Variants in MSI1 observed in about 807,000 individuals in gnomAD.
The protein encoded by MSI1 is RNA-binding protein Musashi homolog 1.
A neutral mutation model predicts 54.4 loss-of-function variants in MSI1; 15 were observed. The observed-to-expected ratio is 0.28, with a 90% CI of 0.18 to 0.42. MSI1 has a LOEUF of 0.42. MSI1 is among the 20% of genes least tolerant of loss of function. The pLI is 1.00. For missense variants in MSI1, 304 were observed against 506.0 expected (o/e 0.60, Z 3.83); for synonymous variants, 200 against 196.5 (o/e 1.02, Z -0.15).
intron 12 of MSI1, among the ~76,000 whole-genome samples, 181 bp downstream of exon 12, chr12:120,347,265 G>T (rs548867320): frequency 1.3e-5 from 2 of 152,330 alleles, no homozygotes; most frequent in South Asian, 4.1e-4. Flanking sequence ...TGTCAGTCTT[G>T]CTGAGGGCTG....
At chr12:120,366,057 T>C (rs372157115) in intron 4 of MSI1, among the ~76,000 whole-genome samples, 1 of 152,270 alleles carries the variant, frequency 6.6e-6, no homozygotes. Flanking sequence ...ACTATAGCTG[T>C]ACGACAAACA....
At chr12:120,344,376 T>A (rs1873937263) in intron 14 of MSI1, among the ~76,000 whole-genome samples, 1 of 152,216 alleles carries the variant, frequency 6.6e-6, no homozygotes, top group South Asian at 2.1e-4. Flanking sequence ...GCTTCTCCCA[T>A]ATCTTGATCA....
Position 120,342,569 on chromosome 12 carries a change from T to TG in MSI1, c.*557dup, listed in dbSNP as rs1249629648. On this transcript the variant is annotated 3_prime_UTR_variant, in exon 15 of 15. Coordinates refer to ENST00000257552, the MANE Select transcript of MSI1 (RefSeq NM_002442.4). ...AGATAGACACTTTGTTCTCAGCTGG[T>TG]GGGGGGCACCTGGCCCCTTGCCCCC... 7.5e-6 allele frequency: 1 copy of TG among 134,076 alleles called. No homozygotes were observed. The allele number at this position is 134,076 out of a possible 1,614,324, so 8.3% of individuals were successfully genotyped here.
rs145944432 is a variant in MSI1 at position 120,356,939 on chromosome 12, G to A, written c.615C>T (p.Tyr205=). The change falls in exon 9 of 15, where the codon TAC becomes TAT. Residue 205 remains tyrosine, a synonymous_variant. Transcript: ENST00000257552. ...SARGRSRVMP[Y]GMDAFMLGIG... is the part of the protein sequence containing the mutation. Reference sequence around the variant, plus strand: ...TGCCCAGCATGAAGGCGTCCATTCCGTAGGGCATGACTCGAGACCTCCCCC... The same window carrying A: ...TGCCCAGCATGAAGGCGTCCATTCCATAGGGCATGACTCGAGACCTCCCCC... 4.9e-5 allele frequency: 79 copies of A among 1,614,186 alleles called. No individual in the cohort carries two copies. In the East Asian group the frequency reaches 1.0e-3, roughly 21 times the overall value.
chr12:120,362,906 T>C, intron 6 of MSI1, 137 bp downstream of exon 6: 1 of 737,666 alleles, frequency 1.4e-6, no homozygotes. Flanking sequence ...ATTGGCCTGG[T>C]CTGCCCCCAC....
intron 5 of MSI1, 129 bp from the exon 6 acceptor site, chr12:120,363,264 C>T: frequency 1.5e-6 from 1 of 674,270 alleles, no homozygotes; most frequent in Non-Finnish European, 2.5e-6. Flanking sequence ...TTTAAAGGCC[C>T]CCCCCCCGCA....
At chr12:120,345,869 C>A (rs1874072323) in intron 13 of MSI1, among the ~76,000 whole-genome samples, 1 of 152,084 alleles carries the variant, frequency 6.6e-6, no homozygotes, top group African/African-American at 2.4e-5. Context: ...ACCAGGGCAC[C>A]CCTGGAATCA....
intron 11 of MSI1, 65 bp downstream of exon 11, chr12:120,351,279 C>T: frequency 6.9e-7 from 1 of 1,441,920 alleles, no homozygotes; most frequent in Non-Finnish European, 9.6e-7. Flanking sequence ...CCCCAGGAAA[C>T]TCCCTGGGCC....
chr12:120,356,359 C>T (rs1875118513), intron 9 of MSI1, among the ~76,000 whole-genome samples: 1 of 152,192 alleles, frequency 6.6e-6, no homozygotes, highest in South Asian at 2.1e-4. Flanking sequence ...CTCCAGCCTC[C>T]CCATCACTGG....
intron 6 of MSI1, among the ~76,000 whole-genome samples, chr12:120,359,649 T>C (rs1316176537): frequency 1.3e-5 from 2 of 152,142 alleles, no homozygotes; most frequent in Non-Finnish European, 2.9e-5. Flanking sequence ...AGGGGGAGGA[T>C]CTACATCATC....
intron 11 of MSI1, among the ~76,000 whole-genome samples, chr12:120,349,099 T>TC (rs1039497521): frequency 1.3e-5 from 2 of 149,376 alleles, no homozygotes; most frequent in African/African-American, 4.9e-5. Context: ...TACTTGATTT[T>TC]TTTTTTTTTT....
intron 4 of MSI1, among the ~76,000 whole-genome samples, chr12:120,366,759 C>T (rs1259878287): frequency 6.6e-6 from 1 of 152,174 alleles, no homozygotes; most frequent in East Asian, 1.9e-4. Context: ...CCTTTTCAGC[C>T]CCATCTCCTA....
intron 4 of MSI1, among the ~76,000 whole-genome samples, chr12:120,367,728 T>TCATGATTAG (rs1876102240): frequency 6.6e-6 from 1 of 151,994 alleles, no homozygotes; most frequent in Admixed American, 6.5e-5. Context: ...CTCTGAGGCA[T>TCATGATTAG]CATGATTAGT....
intron 4 of MSI1, among the ~76,000 whole-genome samples, chr12:120,366,154 G>T (rs1876004744): frequency 6.6e-6 from 1 of 152,180 alleles, no homozygotes. Context: ...CACATGGGTG[G>T]ACGTCATTCA....
At chr12:120,362,301 G>A (rs1344363145) in intron 6 of MSI1, among the ~76,000 whole-genome samples, 2 of 151,750 alleles carry the variant, frequency 1.3e-5, no homozygotes, top group Admixed American at 6.6e-5. Flanking sequence ...CAGGGACCCC[G>A]GCCCCAAGCA....
chr12:120,368,697 C>G lies in MSI1; in HGVS notation c.100+136G>C. ...GATCGCCCTGCGCTCTCGGGGTCTCCGGGCGGGGCGCGAAAGAGGGCGCGA... is the reference window on the plus strand; with the variant it reads ...GATCGCCCTGCGCTCTCGGGGTCTCGGGGCGGGGCGCGAAAGAGGGCGCGA... On this transcript the variant is annotated intron_variant, in intron 2 of 14. Transcript: ENST00000257552. This position sits in a 1 kb window ranked among gnomAD's most constrained non-coding sequence, Gnocchi z 6.6. 1 of 794,816 alleles carries G rather than the reference C, an allele frequency of 1.3e-6. No homozygotes were observed. Among genetic ancestry groups the G allele is most frequent in the Non-Finnish European group, 1.7e-6 (1 of 599,378 alleles). 49.2% of individuals were successfully genotyped at this position (794,816 alleles called of 1,614,324 possible). A position where few individuals can be genotyped will look rare whatever the true frequency, so the allele number is the denominator to read the frequency against.
intron 5 of MSI1, among the ~76,000 whole-genome samples, chr12:120,363,988 C>T (rs1875858313): frequency 6.6e-6 from 1 of 152,200 alleles, no homozygotes; most frequent in Admixed American, 6.5e-5. Flanking sequence ...GTCCTGACCC[C>T]ATGTTCCGCA....
At chr12:120,353,201 G>A in intron 10 of MSI1, 98 bp downstream of exon 10, 1 of 1,173,268 alleles carries the variant, frequency 8.5e-7, no homozygotes. Context: ...CCAGCAAGCA[G>A]ACCCCCAGCC....
rs763943877 is a variant in MSI1 at position 120,368,156 on chromosome 12, C to A, written c.182+36G>T. ...GCAGTGAGTGGCGGGTGGAGGGGGG[C>A]GAGCCGGGAGCAGGAGGAGGGGGTG... On this transcript the variant is annotated intron_variant, in intron 3 of 14. Coordinates refer to ENST00000257552, the MANE Select transcript of MSI1 (RefSeq NM_002442.4). The surrounding 1 kb of genome is among the most constrained non-coding windows in gnomAD (Gnocchi z 6.6). The A allele has an allele frequency of 6.4e-7, 1 of 1,568,188 alleles. No individual in the cohort carries two copies. Among genetic ancestry groups the A allele is most frequent in the South Asian group, 1.2e-5 (1 of 85,844 alleles).
Sources: allele counts gnomAD v4.1 joint callset (sites outside exome capture counted in the v4.1 genomes callset), GRCh38; gene constraint gnomAD v4.1.1; non-coding constraint Gnocchi (gnomAD v3.1); transcripts MANE v1.5; gene names NCBI Gene and HGNC (gene_info 2026-07-23, HGNC 2026-07-21).